The following OSBP2 variants were observed in gnomAD, a reference collection of about 807,000 sequenced individuals.
OSBP2 encodes the protein oxysterol-binding protein 2.
A neutral mutation model predicts 96.0 loss-of-function variants in OSBP2; 66 were observed. That is an observed-to-expected ratio of 0.69 (90% confidence interval 0.56 to 0.84). The LOEUF (loss-of-function observed/expected upper bound fraction) is 0.84, where lower values mean the gene tolerates loss of function less well. Among genes scored for constraint, OSBP2 ranks in the 40% least tolerant of loss-of-function variants. The pLI is 0.00. For synonymous variants in OSBP2, 525 were observed against 520.9 expected, an observed-to-expected ratio of 1.01 and a Z score of -0.11; for missense variants, 1,038 against 1,222.7, an observed-to-expected ratio of 0.85 and a Z score of 2.25.
chr22:30,834,993 T>G (rs1166402658), intron 2 of OSBP2, among the ~76,000 whole-genome samples: 1 of 152,024 alleles, frequency 6.6e-6, no homozygotes, highest in Admixed American at 6.6e-5. Context: ...TTTTTGTATT[T>G]TTAGTAGAAA....
At position 30,881,592 on chromosome 22, in the gene OSBP2, T is replaced by G. The variant is rs2039705141; in HGVS notation, c.1108-5834T>G. ...TGGGCTGGGTCAGCCAGGCCCTCCC[T>G]GGGCCCCTGGGAACCTCCCCCTGCC... On this transcript the variant is annotated intron_variant, in intron 3 of 13. Transcript: ENST00000332585. This position sits in a 1 kb window ranked among gnomAD's most constrained non-coding sequence, Gnocchi z 4.5. The G allele has an allele frequency of 8.2e-7, 1 of 1,220,940 alleles. No homozygotes were observed. Among genetic ancestry groups the G allele is most frequent in the African/African-American group, 1.6e-5 (1 of 64,282 alleles). 75.6% of individuals were successfully genotyped at this position (1,220,940 alleles called of 1,614,324 possible).
intron 2 of OSBP2, among the ~76,000 whole-genome samples, chr22:30,778,303 GCACA>G (rs34574171): frequency 1.5e-3 from 219 of 146,594 alleles, no homozygotes; most frequent in Non-Finnish European, 1.7e-3. Context: ...GTGTGCATGT[GCACA>G]CACACACACA....
At chr22:30,899,238 G>C (rs1293383330) in intron 12 of OSBP2, among the ~76,000 whole-genome samples, 1 of 151,690 alleles carries the variant, frequency 6.6e-6, no homozygotes, top group African/African-American at 2.4e-5. Flanking sequence ...TTTTTAATTA[G>C]CCATGTGTAG....
At chr22:30,853,618 G>C (rs958469611) in intron 2 of OSBP2, among the ~76,000 whole-genome samples, 1 of 151,898 alleles carries the variant, frequency 6.6e-6, no homozygotes, top group Non-Finnish European at 1.5e-5. Context: ...TTTAATTGAA[G>C]TGCTGAGACG....
At chr22:30,732,125 G>A (rs2089789827) in intron 1 of OSBP2, among the ~76,000 whole-genome samples, 1 of 152,094 alleles carries the variant, frequency 6.6e-6, no homozygotes, top group Non-Finnish European at 1.5e-5. Context: ...CTAACATGGT[G>A]AAACCCCATC....
At chr22:30,891,122 G>A in intron 8 of OSBP2, 149 bp downstream of exon 8, 1 of 977,714 alleles carries the variant, frequency 1.0e-6, no homozygotes, top group East Asian at 2.6e-5. Flanking sequence ...TCCAGCCAGG[G>A]AGCAGGGCCT....
chr22:30,720,434 C>A (rs2089530346), intron 1 of OSBP2, among the ~76,000 whole-genome samples: 1 of 152,136 alleles, frequency 6.6e-6, no homozygotes, highest in Non-Finnish European at 1.5e-5. Context: ...GTTCCTCACC[C>A]TGTGGATTTC....
intron 2 of OSBP2, among the ~76,000 whole-genome samples, chr22:30,844,989 G>A (rs2038839722): frequency 6.6e-6 from 1 of 152,208 alleles, no homozygotes; most frequent in Non-Finnish European, 1.5e-5. Flanking sequence ...AGAGATGGGG[G>A]AATGGCTGGT....
At chr22:30,718,090 G>A (rs2089491967) in intron 1 of OSBP2, among the ~76,000 whole-genome samples, 1 of 152,162 alleles carries the variant, frequency 6.6e-6, no homozygotes, top group Non-Finnish European at 1.5e-5. Context: ...CAGAAGTACA[G>A]GAGGGTAATC....
chr22:30,819,347 G>T (rs2091119997), intron 2 of OSBP2, among the ~76,000 whole-genome samples: 1 of 152,122 alleles, frequency 6.6e-6, no homozygotes, highest in Non-Finnish European at 1.5e-5. Flanking sequence ...CACCCATGAT[G>T]CATGAGTATA....
At chr22:30,815,554 A>G (rs2091073776) in intron 2 of OSBP2, among the ~76,000 whole-genome samples, 1 of 152,200 alleles carries the variant, frequency 6.6e-6, no homozygotes, top group African/African-American at 2.4e-5. Flanking sequence ...GCAATGCAGG[A>G]AATTCCCCAG....
At chr22:30,741,058 G>T (rs1458227286) in intron 1 of OSBP2, 103 bp from the exon 2 acceptor site, 11 of 919,384 alleles carry the variant, frequency 1.2e-5, no homozygotes, top group Non-Finnish European at 1.8e-5. Context: ...GCCTCTCCCA[G>T]CTCTGAGGGT....
At chr22:30,780,602 A>G (rs2090504619) in intron 2 of OSBP2, among the ~76,000 whole-genome samples, 2 of 152,150 alleles carry the variant, frequency 1.3e-5, no homozygotes, top group African/African-American at 2.4e-5. Context: ...GGTTCAAGCA[A>G]TGCTTATGCC....
chr22:30,887,682 C>G lies in OSBP2; in HGVS notation c.1300+64C>G. ...CTGCCAGCTGGCTCTGCATACACAA[C>G]TTCTGCGCCCCCACATGCACATCCC... On this transcript the variant is annotated intron_variant, in intron 4 of 13. Coordinates refer to ENST00000332585, the MANE Select transcript of OSBP2 (RefSeq NM_030758.4). 3 of 1,362,622 alleles carry G rather than the reference C, an allele frequency of 2.2e-6. No individual in the cohort carries two copies. The South Asian group carries it at 4.0e-5, about 18-fold the overall frequency. 84.4% of individuals were successfully genotyped at this position (1,362,622 alleles called of 1,614,324 possible).
chr22:30,703,758 G>T (rs923082666), intron 1 of OSBP2, among the ~76,000 whole-genome samples: 3 of 152,180 alleles, frequency 2.0e-5, no homozygotes, highest in African/African-American at 7.2e-5. Flanking sequence ...TTACAGGTGT[G>T]AGCCATCGTG....
chr22:30,806,382 G>A (rs907727848), intron 2 of OSBP2, among the ~76,000 whole-genome samples: 3 of 152,180 alleles, frequency 2.0e-5, no homozygotes, highest in African/African-American at 4.8e-5. Context: ...GGCCAGCCAG[G>A]CAGAATCACA....
At chr22:30,785,582 AAC>A (rs201782836) in intron 2 of OSBP2, among the ~76,000 whole-genome samples, 35,360 of 136,862 alleles carry the variant, frequency 0.26, 4,808 homozygotes, top group African/African-American at 0.43. Flanking sequence ...AAAAAAAAAA[AAC>A]AGGCTTAATC....
At chr22:30,782,776 T>C (rs2090534917) in intron 2 of OSBP2, among the ~76,000 whole-genome samples, 1 of 152,180 alleles carries the variant, frequency 6.6e-6, no homozygotes, top group Non-Finnish European at 1.5e-5. Flanking sequence ...CTTGGGTAAA[T>C]ATTTAGGAAT....
At chr22:30,840,939 T>G (rs568455028) in intron 2 of OSBP2, among the ~76,000 whole-genome samples, 2 of 151,966 alleles carry the variant, frequency 1.3e-5, no homozygotes, top group South Asian at 2.1e-4. Flanking sequence ...CCCAGGCAGG[T>G]GGATCACTTG....
Sources: allele counts gnomAD v4.1 joint callset (sites outside exome capture counted in the v4.1 genomes callset), GRCh38; gene constraint gnomAD v4.1.1; non-coding constraint Gnocchi (gnomAD v3.1); transcripts MANE v1.5; gene names NCBI Gene and HGNC (gene_info 2026-07-23, HGNC 2026-07-21).